The following ALDH3A1 variants were observed in gnomAD, a reference collection of about 807,000 sequenced individuals.
The protein encoded by ALDH3A1 is aldehyde dehydrogenase, dimeric NADP-preferring.
Under a neutral mutation model 49.9 loss-of-function variants are expected in ALDH3A1, and 46 were observed. That is an observed-to-expected ratio of 0.92 (90% CI 0.73 to 1.18). ALDH3A1 has a LOEUF of 1.18. ALDH3A1 is among the 50% of genes most tolerant of loss of function. The pLI, the probability that ALDH3A1 is intolerant of heterozygous loss-of-function variation, is 0.00. For missense variants in ALDH3A1, 592 were observed against 611.8 expected, an observed-to-expected ratio of 0.97 and a Z score of 0.34; for synonymous variants, 269 against 253.3, an observed-to-expected ratio of 1.06 and a Z score of -0.59.
intron 5 of ALDH3A1, among the ~76,000 whole-genome samples, chr17:19,741,792 TC>T (rs922450029): frequency 6.6e-5 from 10 of 152,032 alleles, no homozygotes; most frequent in Admixed American, 2.6e-4. Context: ...CCTAGACCTC[TC>T]CCCCTCCAGG....
At chr17:19,741,493 G>T in intron 5 of ALDH3A1, 1 of 394,160 alleles carries the variant, frequency 2.5e-6, no homozygotes, top group Non-Finnish European at 4.7e-6. Context: ...AGGTGTCACT[G>T]CTACTCGGGC....
chr17:19,738,483 G>A, intron 9 of ALDH3A1, 30 bp from the exon 10 acceptor site: 1 of 1,595,922 alleles, frequency 6.3e-7, no homozygotes, highest in Non-Finnish European at 8.6e-7. Context: ...ACAGGGCTCA[G>A]CATCCTGCCC....
In ALDH3A1 at chr17:19,741,078, G is replaced by A. The variant is rs762371378; in HGVS notation, c.807+15C>T. ...ACAGCCTCTCATCCCACCCTGCCAA[G>A]GGGTCAACACTCACTTTCAGTGACT... On this transcript the variant is annotated intron_variant, in intron 6 of 10. Transcript: ENST00000225740. 9 of 1,605,386 alleles carry A rather than the reference G, an allele frequency of 5.6e-6. No homozygotes were observed. In the East Asian group the frequency reaches 6.7e-5, roughly 12 times the overall value.
At chr17:19,747,068 CT>C (rs1206424206) in intron 1 of ALDH3A1, among the ~76,000 whole-genome samples, 8 of 152,168 alleles carry the variant, frequency 5.3e-5, no homozygotes, top group African/African-American at 1.9e-4. Context: ...ACTCAGCCCA[CT>C]TGCAGACCCG....
chr17:19,743,273 A>G lies in ALDH3A1; in HGVS notation c.353T>C (p.Phe118Ser). The change falls in exon 3 of 11, where the codon TTC becomes TCC. Residue 118 changes from phenylalanine to serine, a missense_variant. Transcript: ENST00000225740. This position sits in a 1 kb window ranked among gnomAD's most constrained non-coding sequence, Gnocchi z 4.4. ...VLVIGTWNYPFNLTIQPMVGA... is the reference protein window; with the variant it reads ...VLVIGTWNYPSNLTIQPMVGA... ...CACCATGGGCTGGATGGTGAGGTTG[A>G]AGGGGTAGTTCCAGGTGCCAATGAC... 6.2e-7 allele frequency: 1 copy of G among 1,613,976 alleles called. No individual in the cohort carries two copies. Among genetic ancestry groups the G allele is most frequent in the South Asian group, 1.1e-5 (1 of 91,060 alleles).
rs1253376375 is a variant in ALDH3A1, at chr17:19,744,961, T to C, written c.162+7A>G. The C allele has an allele frequency of 7.8e-7, 1 of 1,277,252 alleles. No individual in the cohort carries two copies. The highest frequency in any genetic ancestry group is 1.8e-5 in the African/African-American group (1 of 55,402). The allele number at this position is 1,277,252 out of a possible 1,614,324, so 79.1% of individuals were successfully genotyped here. ...ACTGGCAGAAGGCGGCCGCCCAGCC[T>C]GAGCACCTTGTGCAGGTCTGCGGCC... is the stretch of plus-strand genomic sequence containing the variant. On this transcript the variant is annotated splice_region_variant and intron_variant, in intron 2 of 10. Transcript: ENST00000225740.
chr17:19,745,400 G>A, intron 1 of ALDH3A1: 2 of 459,350 alleles, frequency 4.4e-6, no homozygotes, highest in Non-Finnish European at 3.8e-6. Flanking sequence ...TCTTGGCAGC[G>A]TGCTCGCGGC....
chr17:19,738,163 G>C lies in ALDH3A1; in HGVS notation c.*58C>G, dbSNP rs1216063227. ...CTCCCAGGGCCAGGAGAGCCAGTGA[G>C]GGTGGTCCGCACTCCGATGGGACAC... On this transcript the variant is annotated 3_prime_UTR_variant, in exon 11 of 11. Transcript: ENST00000225740. 6 of 1,612,510 alleles carry C rather than the reference G, an allele frequency of 3.7e-6. No individual in the cohort carries two copies. The Admixed American group carries it at 1.0e-4, about 27-fold the overall frequency.
intron 4 of ALDH3A1, 102 bp downstream of exon 4, chr17:19,742,443 T>G: frequency 7.4e-7 from 1 of 1,345,744 alleles, no homozygotes; most frequent in Non-Finnish European, 1.0e-6. Flanking sequence ...ACCAGTAGCT[T>G]GGCCCCTTGC....
intron 9 of ALDH3A1, 138 bp downstream of exon 9, chr17:19,738,858 G>A (rs1205267073): frequency 4.2e-6 from 3 of 721,674 alleles, no homozygotes; most frequent in East Asian, 5.4e-5. Flanking sequence ...ATGGCACGCA[G>A]AGGCCAAGGT....
intron 3 of ALDH3A1, chr17:19,742,865 TTGC>T (rs1170908905): frequency 1.0e-5 from 16 of 1,531,120 alleles, no homozygotes; most frequent in Middle Eastern, 3.4e-4. Flanking sequence ...GCCCTCTGAG[TTGC>T]TGAGATGTTG....
intron 2 of ALDH3A1, chr17:19,744,546 C>A: frequency 1.0e-6 from 1 of 985,418 alleles, no homozygotes; most frequent in South Asian, 4.7e-5. Flanking sequence ...TGGTCTTGCT[C>A]AGGGTGAGGG....
intron 1 of ALDH3A1, among the ~76,000 whole-genome samples, chr17:19,745,940 G>C (rs549896196): frequency 6.6e-6 from 1 of 152,200 alleles, no homozygotes; most frequent in African/African-American, 2.4e-5. Context: ...CCAAAGATCC[G>C]AAAGAAAGGA....
At chr17:19,738,790 C>T (rs1344533377) in intron 9 of ALDH3A1, among the ~76,000 whole-genome samples, 2 of 152,188 alleles carry the variant, frequency 1.3e-5, no homozygotes, top group East Asian at 1.9e-4. Context: ...TGAAATAGGC[C>T]GGTGCACCAG....
At chr17:19,744,371 C>T in intron 2 of ALDH3A1, 1 of 963,042 alleles carries the variant, frequency 1.0e-6, no homozygotes, top group Non-Finnish European at 1.2e-6. Context: ...CCATTACACT[C>T]CAGCCTGGGC....
At position 19,743,053 on chromosome 17, in the gene ALDH3A1, C is replaced by T. The variant is rs1236644060; in HGVS notation, c.394+179G>A. On this transcript the variant is annotated intron_variant, in intron 3 of 10. Coordinates refer to ENST00000225740, the MANE Select transcript of ALDH3A1 (RefSeq NM_000691.5). The surrounding 1 kb of genome is among the most constrained non-coding windows in gnomAD (Gnocchi z 4.4). The stretch of plus-strand genomic sequence containing the variant: ...ACCAGGTGTGGACACCTGAGCCTGA[C>T]TGGACCTCAGGCACCAAGAGGCCTG... 8 of 1,533,438 alleles carry T rather than the reference C, an allele frequency of 5.2e-6. No homozygotes were observed. In the African/African-American group the frequency reaches 5.5e-5, roughly 10 times the overall value. 95.0% of individuals were successfully genotyped at this position (1,533,438 alleles called of 1,614,324 possible).
chr17:19,741,372 C>A, intron 5 of ALDH3A1, 162 bp from the exon 6 acceptor site: 1 of 593,368 alleles, frequency 1.7e-6, no homozygotes, highest in Admixed American at 2.9e-5. Context: ...CTGGACCGAG[C>A]AGACCCAATG....
rs1451344926 is a variant in ALDH3A1, at chr17:19,742,120, C to A, written c.573G>T (p.Gly191=). 7.4e-6 allele frequency: 12 copies of A among 1,613,944 alleles called. No homozygotes were observed. The highest frequency in any genetic ancestry group is 1.6e-4 in the Middle Eastern group (1 of 6,084). ...CAGCCGTCATGATGATCTTCCCCAC[C>A]CCCGTGCTGCCCGTGTACAGGATAT... ...FDHILYTGST[G]VGKIIMTAAA... The change falls in exon 5 of 11, where the codon GGG becomes GGT. Residue 191 remains glycine (G), a synonymous_variant. Transcript: ENST00000225740.
chr17:19,739,207 G>A (rs1423773674), intron 8 of ALDH3A1, 112 bp from the exon 9 acceptor site: 2 of 1,005,404 alleles, frequency 2.0e-6, no homozygotes, highest in South Asian at 3.0e-5. Context: ...AGCAGGTGGA[G>A]GCAGAGCCTT....
Sources: allele counts gnomAD v4.1 joint callset (sites outside exome capture counted in the v4.1 genomes callset), GRCh38; gene constraint gnomAD v4.1.1; non-coding constraint Gnocchi (gnomAD v3.1); transcripts MANE v1.5; gene names NCBI Gene and HGNC (gene_info 2026-07-23, HGNC 2026-07-21).